The following AGBL4 variants were observed in gnomAD, a reference collection of about 807,000 sequenced individuals.
The protein encoded by AGBL4 is AGBL carboxypeptidase 4.
A neutral mutation model predicts 66.4 loss-of-function variants in AGBL4; 58 were observed. The observed-to-expected ratio is 0.87, with a 90% CI of 0.71 to 1.09. The LOEUF (loss-of-function observed/expected upper bound fraction) is 1.09. Among genes scored for constraint, AGBL4 ranks in the 50% least tolerant of loss-of-function variants. AGBL4 has a pLI of 0.00. For missense variants in AGBL4, 579 were observed against 631.0 expected (o/e 0.92, Z 0.88); for synonymous variants, 234 against 222.9 (o/e 1.05, Z -0.44).
At chr1:49,241,281 G>C (rs2148320314) in intron 4 of AGBL4, among the ~76,000 whole-genome samples, 1 of 151,980 alleles carries the variant, frequency 6.6e-6, no homozygotes, top group Middle Eastern at 3.4e-3. Context: ...CTACTCTTTA[G>C]CTTGGTTTAT....
At chr1:48,679,246 A>G (rs916490815) in intron 6 of AGBL4, among the ~76,000 whole-genome samples, 3 of 152,228 alleles carry the variant, frequency 2.0e-5, no homozygotes, top group Non-Finnish European at 4.4e-5. Flanking sequence ...GGCTTTTGCA[A>G]CTACTTTGAG....
intron 6 of AGBL4, among the ~76,000 whole-genome samples, chr1:48,720,995 A>G (rs778946369): frequency 6.6e-6 from 1 of 151,414 alleles, no homozygotes; most frequent in African/African-American, 2.4e-5. Flanking sequence ...TTAATGATCT[A>G]AAAGAGGGAC....
chr1:48,863,777 T>C (rs1294818271), intron 6 of AGBL4, among the ~76,000 whole-genome samples: 2 of 152,052 alleles, frequency 1.3e-5, no homozygotes, highest in African/African-American at 4.8e-5. Context: ...AATTCCTATT[T>C]CATATACAAA....
intron 1 of AGBL4, chr1:50,016,955 T>G (rs1266226528): frequency 1.3e-5 from 2 of 152,116 alleles, no homozygotes; most frequent in Non-Finnish European, 2.9e-5. Flanking sequence ...CAAAGAAATC[T>G]AAATTGTTCT....
chr1:49,385,932 A>G (rs1644727376), intron 3 of AGBL4, among the ~76,000 whole-genome samples: 1 of 152,036 alleles, frequency 6.6e-6, no homozygotes, highest in Admixed American at 6.6e-5. Context: ...GTATATATCA[A>G]GTATCTAAAG....
intron 6 of AGBL4, among the ~76,000 whole-genome samples, chr1:48,768,176 GTAAC>G (rs1644624610): frequency 1.5e-4 from 1 of 6,822 alleles, no homozygotes; most frequent in African/African-American, 1.6e-4. Flanking sequence ...AAAGGCACAT[GTAAC>G]ATGAGTATGT....
At chr1:48,912,958 G>A (rs1222356001) in intron 5 of AGBL4, among the ~76,000 whole-genome samples, 1 of 152,110 alleles carries the variant, frequency 6.6e-6, no homozygotes, top group Non-Finnish European at 1.5e-5. Flanking sequence ...TGAGGGTCAA[G>A]TAGGAGACAG....
intron 9 of AGBL4, among the ~76,000 whole-genome samples, chr1:48,619,997 C>A (rs1345800198): frequency 6.6e-6 from 1 of 152,114 alleles, no homozygotes; most frequent in Admixed American, 6.5e-5. Context: ...GAATTGCCCC[C>A]AAAACACACA....
At chr1:49,652,183 G>T (rs1032069120) in intron 3 of AGBL4, among the ~76,000 whole-genome samples, 19 of 152,120 alleles carry the variant, frequency 1.2e-4, no homozygotes, top group African/African-American at 4.6e-4. Flanking sequence ...AAGCCTTCAA[G>T]AAACATAAGA....
At chr1:48,828,505 G>A (rs1244799252) in intron 6 of AGBL4, among the ~76,000 whole-genome samples, 1 of 152,096 alleles carries the variant, frequency 6.6e-6, no homozygotes, top group African/African-American at 2.4e-5. Flanking sequence ...TTCCTGTTTG[G>A]CTTCTCAACT....
intron 3 of AGBL4, among the ~76,000 whole-genome samples, chr1:49,381,560 G>A (rs972412754): frequency 8.6e-5 from 13 of 151,986 alleles, no homozygotes; most frequent in African/African-American, 1.5e-4. Context: ...TGTTTATTAC[G>A]GCGTTATTCA....
rs544282584 is a variant in AGBL4 at position 49,564,849 on chromosome 1, T to A, written c.282+132464A>T. ...CGCTTGGTGCAGAGCTGAGTTCAATTCCTGGATATCCTTCTTAACTTTCTG... is the reference window on the plus strand; with the variant it reads ...CGCTTGGTGCAGAGCTGAGTTCAATACCTGGATATCCTTCTTAACTTTCTG... On this transcript the variant is annotated intron_variant, in intron 3 of 13. Coordinates refer to ENST00000371839, the MANE Select transcript of AGBL4 (RefSeq NM_032785.4). 1.1e-4 allele frequency among the ~76,000 whole-genome samples: 16 copies of A among 152,326 alleles called. No homozygotes were observed. In the South Asian group the frequency reaches 3.3e-3, roughly 32 times the overall value.
intron 6 of AGBL4, among the ~76,000 whole-genome samples, chr1:48,717,115 G>A (rs988916671): frequency 3.3e-5 from 5 of 152,120 alleles, no homozygotes; most frequent in African/African-American, 1.2e-4. Context: ...CCACACACCC[G>A]GTACCCTCCC....
intron 3 of AGBL4, among the ~76,000 whole-genome samples, chr1:49,484,039 C>T (rs1027044517): frequency 1.3e-5 from 2 of 151,908 alleles, no homozygotes; most frequent in African/African-American, 4.8e-5. Context: ...CAAATCAAAA[C>T]TGCAATGAGA....
At chr1:49,348,303 A>G (rs939910969) in intron 3 of AGBL4, among the ~76,000 whole-genome samples, 2 of 152,162 alleles carry the variant, frequency 1.3e-5, no homozygotes, top group Non-Finnish European at 2.9e-5. Context: ...CTGTAGTCCC[A>G]GCTACTGGGT....
intron 3 of AGBL4, among the ~76,000 whole-genome samples, chr1:49,326,770 A>G (rs1645236522): frequency 6.6e-6 from 1 of 152,198 alleles, no homozygotes; most frequent in Admixed American, 6.5e-5. Flanking sequence ...AAATTACTGG[A>G]AAAAATACCA....
intron 1 of AGBL4, among the ~76,000 whole-genome samples, chr1:49,930,711 C>T (rs1305537756): frequency 6.6e-6 from 1 of 152,112 alleles, no homozygotes; most frequent in African/African-American, 2.4e-5. Flanking sequence ...ATGATGACGT[C>T]AAATACCCAC....
At chr1:48,916,307 G>C (rs1313861140) in intron 5 of AGBL4, among the ~76,000 whole-genome samples, 1 of 152,180 alleles carries the variant, frequency 6.6e-6, no homozygotes, top group East Asian at 1.9e-4. Flanking sequence ...GCTCCATCTA[G>C]TGTCCTAATG....
chr1:49,047,498 A>T (rs1172125147), intron 4 of AGBL4, among the ~76,000 whole-genome samples: 2 of 152,158 alleles, frequency 1.3e-5, no homozygotes, highest in Non-Finnish European at 1.5e-5. Context: ...TATCTTCAAG[A>T]CAAATCTTAT....
Sources: allele counts gnomAD v4.1 joint callset (sites outside exome capture counted in the v4.1 genomes callset), GRCh38; gene constraint gnomAD v4.1.1; transcripts MANE v1.5; gene names NCBI Gene and HGNC (gene_info 2026-07-23, HGNC 2026-07-21).